SAMD4B: variants seen among roughly 807,000 people sequenced by gnomAD.
SAMD4B encodes sterile alpha motif domain containing 4B.
Under a neutral mutation model 74.5 loss-of-function variants are expected in SAMD4B, and 5 were observed. That is an observed-to-expected ratio of 0.07 (90% CI 0.04 to 0.14). The LOEUF is 0.14. Among genes scored for constraint, SAMD4B ranks in the 10% least tolerant of loss-of-function variants. The probability of loss-of-function intolerance (pLI) is 1.00; values close to 1 mark genes in which losing one functional copy is unlikely to be tolerated. For synonymous variants in SAMD4B, 373 were observed against 374.9 expected (o/e 1.00, Z 0.06); for missense variants, 608 against 921.8 (o/e 0.66, Z 4.41).
At chr19:39,365,021 C>T (rs979981390) in intron 3 of SAMD4B, among the ~76,000 whole-genome samples, 5 of 151,666 alleles carry the variant, frequency 3.3e-5, no homozygotes, top group Admixed American at 2.6e-4. Flanking sequence ...AAGTGGATCA[C>T]GAGGTCAGGA....
chr19:39,376,895 A>T, intron 7 of SAMD4B, 104 bp downstream of exon 7: 1 of 930,134 alleles, frequency 1.1e-6, no homozygotes, highest in South Asian at 1.5e-5. Context: ...TGTGGCCTCC[A>T]AAATTCCCAG....
At chr19:39,355,030 G>C (rs1194146717) in intron 2 of SAMD4B, among the ~76,000 whole-genome samples, 1 of 152,028 alleles carries the variant, frequency 6.6e-6, no homozygotes, top group Non-Finnish European at 1.5e-5. Context: ...GCAGTAGCAC[G>C]CCCGGCTAAT....
chr19:39,356,106 C>G (rs1392046172), intron 2 of SAMD4B, among the ~76,000 whole-genome samples: 1 of 149,814 alleles, frequency 6.7e-6, no homozygotes, highest in African/African-American at 2.5e-5. Context: ...AGTTACTAAT[C>G]AGATGGCTGG....
chr19:39,352,652 T>C (rs529644130), intron 1 of SAMD4B, among the ~76,000 whole-genome samples: 2 of 152,186 alleles, frequency 1.3e-5, no homozygotes, highest in African/African-American at 4.8e-5. Flanking sequence ...AGCCTGGCCT[T>C]GTAAGCATCA....
downstream of SAMD4B, among the ~76,000 whole-genome samples, chr19:39,388,032 T>C (rs1177925779): frequency 6.6e-6 from 1 of 152,100 alleles, no homozygotes; most frequent in Non-Finnish European, 1.5e-5. Flanking sequence ...TGCCAGCTAC[T>C]CAGGAGGCTG....
intron 3 of SAMD4B, among the ~76,000 whole-genome samples, chr19:39,368,401 G>A (rs577656811): frequency 6.6e-6 from 1 of 152,230 alleles, no homozygotes; most frequent in South Asian, 2.1e-4. Context: ...GTTGTTGCGG[G>A]CCAAAACCTT....
At position 39,369,982 on chromosome 19, in the gene SAMD4B, G is replaced by T. The variant is rs767310005; in HGVS notation, c.524G>T (p.Trp175Leu). 13 of 1,612,802 alleles carry T rather than the reference G, an allele frequency of 8.1e-6. No individual in the cohort carries two copies. Among genetic ancestry groups the T allele is most frequent in the Admixed American group, 3.3e-5 (2 of 59,880 alleles). ...SYHSRQGSDE[W>L]GGPAELGPGE... ...CATTCACGTCAAGGCTCAGATGAGT[G>T]GGGGGGCCCTGCAGAGCTAGGCCCT... The change falls in exon 4 of 14, where the codon TGG becomes TTG. Residue 175 changes from tryptophan to leucine, a missense_variant. Trp to Leu is a moderately conservative substitution (Grantham distance 61, BLOSUM62 -2). Coordinates refer to ENST00000610417, the MANE Select transcript of SAMD4B (RefSeq NM_001384574.2).
intron 5 of SAMD4B, 137 bp downstream of exon 5, chr19:39,376,026 C>A: frequency 8.6e-7 from 1 of 1,168,216 alleles, no homozygotes; most frequent in Non-Finnish European, 1.2e-6. Flanking sequence ...ATAGTCCCTG[C>A]TTTTAGGGCT....
At chr19:39,359,109 C>T (rs912276936) in intron 3 of SAMD4B, among the ~76,000 whole-genome samples, 1 of 152,202 alleles carries the variant, frequency 6.6e-6, no homozygotes, top group Non-Finnish European at 1.5e-5. Flanking sequence ...CTGCCACACT[C>T]CCCACCACTC....
At chr19:39,379,293 T>C (rs1216363997) in intron 9 of SAMD4B, among the ~76,000 whole-genome samples, 1 of 152,160 alleles carries the variant, frequency 6.6e-6, no homozygotes, top group Non-Finnish European at 1.5e-5. Context: ...TGAGCAACCA[T>C]GCCCAGCCCG....
intron 3 of SAMD4B, among the ~76,000 whole-genome samples, chr19:39,362,968 GT>G (rs2076741222): frequency 1.3e-5 from 2 of 152,016 alleles, no homozygotes; most frequent in African/African-American, 4.8e-5. Context: ...AAACAAAAAT[GT>G]GAGCCCCCTG....
At chr19:39,370,407 A>G (rs1047487658) in intron 4 of SAMD4B, among the ~76,000 whole-genome samples, 1 of 152,232 alleles carries the variant, frequency 6.6e-6, no homozygotes, top group Non-Finnish European at 1.5e-5. Flanking sequence ...CCTAAAAATG[A>G]GATTTCCAGC....
intron 1 of SAMD4B, chr19:39,349,984 C>T (rs566230291): frequency 3.3e-5 from 5 of 152,350 alleles, no homozygotes; most frequent in Admixed American, 6.5e-5. Flanking sequence ...GGTGTACAGT[C>T]TTGGGCAAAG....
chr19:39,363,913 T>C (rs775276460), intron 3 of SAMD4B, among the ~76,000 whole-genome samples: 2 of 152,200 alleles, frequency 1.3e-5, no homozygotes, highest in Admixed American at 6.5e-5. Flanking sequence ...GGCAGGAAAC[T>C]AGAAGTTCCA....
At chr19:39,368,898 A>T (rs1314137258) in intron 3 of SAMD4B, among the ~76,000 whole-genome samples, 1 of 152,194 alleles carries the variant, frequency 6.6e-6, no homozygotes, top group East Asian at 1.9e-4. Flanking sequence ...TGTCTAGACC[A>T]TCTGATTCCA....
intron 1 of SAMD4B, chr19:39,348,183 G>A (rs1379436002): frequency 6.6e-6 from 1 of 152,200 alleles, no homozygotes; most frequent in Non-Finnish European, 1.5e-5. Flanking sequence ...ATTTATCACA[G>A]ATATTTATTG....
At chr19:39,367,865 C>CT (rs2077060399) in intron 3 of SAMD4B, among the ~76,000 whole-genome samples, 1 of 151,470 alleles carries the variant, frequency 6.6e-6, no homozygotes, top group Non-Finnish European at 1.5e-5. Context: ...CCCAAGCCTT[C>CT]TTTGATGTGG....
In SAMD4B at chr19:39,377,809, C is replaced by T; in HGVS notation, c.1429C>T (p.Arg477Trp). The change falls in exon 8 of 14, where the codon CGG (arginine) becomes TGG (tryptophan). Residue 477 changes from arginine to tryptophan, a missense_variant. Around this residue, in one of 9 missense-constraint regions of SAMD4B, gnomAD observed 3 missense variants for 23.8 expected, o/e 0.13. Transcript: ENST00000610417. The part of the protein sequence containing the change: ...ADGDIPSQFT[R>W]VMGKVCTQLL... The stretch of plus-strand genomic sequence containing the variant: ...CGGAGACATCCCCAGCCAGTTTACA[C>T]GGGTGATGGGCAAAGGTGAGACCAG... 1 of 1,599,220 alleles carries T rather than the reference C, an allele frequency of 6.3e-7. No individual in the cohort carries two copies. The highest frequency in any genetic ancestry group is 8.5e-7 in the Non-Finnish European group (1 of 1,170,784).
At chr19:39,389,576 T>A (rs1473207837), downstream of SAMD4B, 1 of 1,613,932 alleles carries the variant, frequency 6.2e-7, no homozygotes, top group Non-Finnish European at 8.5e-7. This position sits in a 1 kb window ranked among gnomAD's most constrained non-coding sequence, Gnocchi z 5.3. Flanking sequence ...AGGAGGACCA[T>A]GAGGGAGGCC....
Sources: allele counts gnomAD v4.1 joint callset (sites outside exome capture counted in the v4.1 genomes callset), GRCh38; gene constraint gnomAD v4.1.1; regional missense constraint gnomAD v4.1.1; non-coding constraint Gnocchi (gnomAD v3.1); transcripts MANE v1.5; gene names NCBI Gene and HGNC (gene_info 2026-07-23, HGNC 2026-07-21).